Variants in MAOA observed in about 807,000 individuals in gnomAD.
The protein encoded by MAOA is amine oxidase [flavin-containing] A.
Under a neutral mutation model 42.0 loss-of-function variants are expected in MAOA, and 6 were observed. That is an observed-to-expected ratio of 0.14 (90% confidence interval 0.08 to 0.28). MAOA has a LOEUF of 0.28. Among genes scored for constraint, MAOA ranks in the 10% least tolerant of loss-of-function variants. The pLI is 1.00. For synonymous variants in MAOA, 140 were observed against 154.0 expected, an observed-to-expected ratio of 0.91 and a Z score of 0.67; for missense variants, 262 against 422.3, an observed-to-expected ratio of 0.62 and a Z score of 3.33.
At chrX:43,689,727 C>G (rs1170888741) in intron 2 of MAOA, among the ~76,000 whole-genome samples, 1 of 111,630 alleles carries the variant, frequency 9.0e-6, no homozygotes, top group Non-Finnish European at 1.9e-5. Flanking sequence ...TGTTCACTGT[C>G]CATTCTTGAA....
At chrX:43,696,575 A>G (rs2033580474) in intron 3 of MAOA, among the ~76,000 whole-genome samples, 1 of 110,612 alleles carries the variant, frequency 9.0e-6, no homozygotes, top group Non-Finnish European at 1.9e-5. Flanking sequence ...TAAAAATACA[A>G]AAAATTAGCC....
At chrX:43,696,692 C>T (rs950080707) in intron 3 of MAOA, among the ~76,000 whole-genome samples, 6 of 106,502 alleles carry the variant, frequency 5.6e-5, no homozygotes, top group Non-Finnish European at 7.8e-5. Context: ...GCCACGATTG[C>T]GCCACTGCAC....
chrX:43,709,580 A>G (rs1490621648), intron 3 of MAOA, among the ~76,000 whole-genome samples: 2 of 110,920 alleles, frequency 1.8e-5, no homozygotes, highest in Admixed American at 9.6e-5. Context: ...CAAAGCAAAG[A>G]TCAGTTTTGC....
Position 43,740,789 on chromosome X carries a change from AAGT to A in MAOA, c.1164+56_1164+58del, listed in dbSNP as rs754968441. On this transcript the variant is annotated intron_variant, in intron 11 of 14. Coordinates refer to ENST00000338702, the MANE Select transcript of MAOA (RefSeq NM_000240.4). ...TAGCAGGTTCTTCTCTGTTCACTATAAGTAGTAAAGCAAAGCATATTCTGATTT... is the reference window on the plus strand; with the variant it reads ...TAGCAGGTTCTTCTCTGTTCACTATAAGTAAAGCAAAGCATATTCTGATTT... The A allele has an allele frequency of 3.0e-4, 312 of 1,054,547 alleles. No homozygotes were observed. In the Middle Eastern group the frequency reaches 3.0e-3, roughly 10 times the overall value. The allele number at this position is 1,054,547 out of a possible 1,213,427, so 86.9% of individuals were successfully genotyped here.
chrX:43,675,256 T>C (rs1441059795), intron 1 of MAOA, among the ~76,000 whole-genome samples: 2 of 112,292 alleles, frequency 1.8e-5, no homozygotes, highest in African/African-American at 6.5e-5. Flanking sequence ...TTCTGCATTC[T>C]TCACGTAGTT....
intron 5 of MAOA, among the ~76,000 whole-genome samples, chrX:43,718,863 G>T (rs1170606441): frequency 9.0e-6 from 1 of 110,526 alleles, no homozygotes; most frequent in Non-Finnish European, 1.9e-5. Flanking sequence ...GACCCAAAGG[G>T]TTGGGAGTGG....
intron 1 of MAOA, among the ~76,000 whole-genome samples, chrX:43,681,643 G>C (rs2147079961): frequency 9.1e-6 from 1 of 110,336 alleles, no homozygotes; most frequent in East Asian, 2.8e-4. Context: ...TACATATTTA[G>C]GTATAATTTG....
At chrX:43,699,686 A>T (rs1346621729) in intron 3 of MAOA, among the ~76,000 whole-genome samples, 2 of 110,596 alleles carry the variant, frequency 1.8e-5, no homozygotes, top group South Asian at 3.8e-4. Context: ...TTCTTCCCAC[A>T]GCCCTTTACT....
chrX:43,740,431 T>C (rs2033951055), intron 10 of MAOA, among the ~76,000 whole-genome samples: 1 of 111,580 alleles, frequency 9.0e-6, no homozygotes, highest in African/African-American at 3.3e-5. Flanking sequence ...GAGGCAAAAA[T>C]GTAAAAAAAG....
chrX:43,657,283 ATATATATGAACTGTGTGTGTG>A (rs1408613027), intron 1 of MAOA, among the ~76,000 whole-genome samples: 5 of 104,287 alleles, frequency 4.8e-5, no homozygotes, highest in Non-Finnish European at 7.8e-5. Flanking sequence ...TTATATATAT[ATATATATGAACTGTGTGTGTG>A]TATATATATA....
chrX:43,676,432 G>A (rs1368477773), intron 1 of MAOA, among the ~76,000 whole-genome samples: 4 of 110,896 alleles, frequency 3.6e-5, no homozygotes, highest in South Asian at 3.8e-4. Context: ...TTTGGCTCGC[G>A]CACGGTGCAC....
intron 2 of MAOA, among the ~76,000 whole-genome samples, chrX:43,687,462 A>G (rs1318714416): frequency 8.9e-6 from 1 of 112,015 alleles, no homozygotes; most frequent in Non-Finnish European, 1.9e-5. Context: ...ATCTTAAAAT[A>G]GTTGTTGTAG....
In MAOA at chrX:43,687,983, C is replaced by A. The variant is rs181883013; in HGVS notation, c.168+4376C>A. 6.2e-3 allele frequency among the ~76,000 whole-genome samples: 697 copies of A among 112,481 alleles called. 5 individuals are homozygous for A. Among genetic ancestry groups the A allele is most frequent in the African/African-American group, 0.02 (626 of 30,993 alleles). On this transcript the variant is annotated intron_variant, in intron 2 of 14. Transcript: ENST00000338702. ...GATTTTCCTGCTTTTACTCCTGCCGCCTACATTCTGTTCTTTCTTAGTGCA... is the reference window on the plus strand; with the variant it reads ...GATTTTCCTGCTTTTACTCCTGCCGACTACATTCTGTTCTTTCTTAGTGCA...
At chrX:43,684,047 C>A (rs917855045) in intron 2 of MAOA, among the ~76,000 whole-genome samples, 2 of 110,535 alleles carry the variant, frequency 1.8e-5, no homozygotes, top group Non-Finnish European at 3.8e-5. Context: ...ACCCAAAAAA[C>A]CAAAAACAGA....
intron 3 of MAOA, among the ~76,000 whole-genome samples, chrX:43,699,579 G>T (rs1370146635): frequency 2.7e-5 from 3 of 111,466 alleles, no homozygotes; most frequent in Non-Finnish European, 5.6e-5. Context: ...TTTGTTTTTA[G>T]AGAGTGGTGT....
chrX:43,699,266 T>C (rs2033603632), intron 3 of MAOA, among the ~76,000 whole-genome samples: 1 of 111,962 alleles, frequency 8.9e-6, no homozygotes, highest in South Asian at 3.7e-4. Flanking sequence ...TGCTCCATCA[T>C]TATGAGTGTG....
intron 10 of MAOA, among the ~76,000 whole-genome samples, chrX:43,739,944 C>T (rs186006632): frequency 0.01 from 1,148 of 112,082 alleles, 21 homozygotes; most frequent in African/African-American, 0.036. Context: ...AAATGTATTT[C>T]GTTTCAAAAA....
chrX:43,703,285 A>G (rs983977530), intron 3 of MAOA, among the ~76,000 whole-genome samples: 13 of 111,820 alleles, frequency 1.2e-4, no homozygotes, highest in Admixed American at 5.7e-4. Flanking sequence ...AGCTTAGCTG[A>G]CAAGAAGTTC....
Position 43,689,529 on chromosome X carries a change from A to G in MAOA, c.169-3762A>G, listed in dbSNP as rs185010219. Among the ~76,000 whole-genome samples the G allele has an allele frequency of 1.8e-3, 202 of 111,355 alleles. 1 individual carries two copies. Among genetic ancestry groups the G allele is most frequent in the Non-Finnish European group, 1.9e-3 (102 of 53,077 alleles). ...TAACACTCATACTTAATGTAGTCTA[A>G]AGTTTATCAACATACTATCTTTCTA... On this transcript the variant is annotated intron_variant, in intron 2 of 14. Coordinates refer to ENST00000338702, the MANE Select transcript of MAOA (RefSeq NM_000240.4).
Sources: gnomAD v4.1 joint callset for allele counts (sites outside exome capture counted in the v4.1 genomes callset) on GRCh38, gnomAD v4.1.1 for gene constraint, MANE v1.5 for transcripts, NCBI Gene and HGNC (gene_info 2026-07-23, HGNC 2026-07-21) for gene names.